The following OTOGL variants were observed in gnomAD, a reference collection of about 807,000 sequenced individuals.
The protein encoded by OTOGL is otogelin like, also known as otogelin-like protein.
Under a neutral mutation model 318.5 loss-of-function variants are expected in OTOGL, and 285 were observed. The ratio of observed to expected loss-of-function variants is 0.89; its 90% CI spans 0.81 to 0.99. OTOGL has a LOEUF of 0.99. Ranked by LOEUF, OTOGL falls within the 50% of genes least tolerant of loss-of-function variation. The pLI is 0.00. For synonymous variants in OTOGL, 987 were observed against 936.5 expected (o/e 1.05, Z -0.99); for missense variants, 2,899 against 2,845.6 (o/e 1.02, Z -0.43).
chr12:80,220,365 GCC>G (rs1345118808), intron 6 of OTOGL, among the ~76,000 whole-genome samples: 230 of 152,062 alleles, frequency 1.5e-3, no homozygotes, highest in African/African-American at 4.8e-3. Flanking sequence ...CACCATGTTG[GCC>G]AGGATGCTCT....
intron 1 of OTOGL, among the ~76,000 whole-genome samples, chr12:80,181,846 AG>A (rs1475465928): frequency 6.6e-6 from 1 of 152,152 alleles, no homozygotes; most frequent in Non-Finnish European, 1.5e-5. Flanking sequence ...CTATAGAATT[AG>A]GGCCAATGCC....
intron 34 of OTOGL, among the ~76,000 whole-genome samples, chr12:80,321,201 C>T (rs1247566297): frequency 1.3e-5 from 2 of 152,322 alleles, no homozygotes; most frequent in Non-Finnish European, 2.9e-5. Flanking sequence ...CCTAATCTTA[C>T]TTCTAGAGAG....
intron 1 of OTOGL, among the ~76,000 whole-genome samples, chr12:80,141,832 A>G (rs1871965680): frequency 6.6e-6 from 1 of 152,188 alleles, no homozygotes; most frequent in Non-Finnish European, 1.5e-5. Context: ...CTATATAGGT[A>G]TGTAGTAGAA....
intron 1 of OTOGL, chr12:80,208,102 A>G (rs1398822363): frequency 4.4e-6 from 2 of 458,476 alleles, no homozygotes; most frequent in Non-Finnish European, 8.8e-6. Context: ...TCACATAACT[A>G]CTTTATAATT....
At chr12:80,315,728 G>C (rs1275342630) in intron 32 of OTOGL, among the ~76,000 whole-genome samples, 1 of 151,968 alleles carries the variant, frequency 6.6e-6, no homozygotes, top group Non-Finnish European at 1.5e-5. Flanking sequence ...AAAGAAAATG[G>C]GCATTTTTGA....
Position 80,222,154 on chromosome 12 carries a change from C to T in OTOGL, c.398C>T (p.Thr133Ile), listed in dbSNP as rs947802079. 5.6e-6 allele frequency: 9 copies of T among 1,597,700 alleles called. No homozygotes were observed. In the Admixed American group the frequency reaches 1.3e-4, roughly 24 times the overall value. Residue 133 changes from threonine (T) to isoleucine (I), a missense_variant, in exon 7 of 59, where the codon ACA (threonine) becomes ATA (isoleucine). Around this residue, in one of 3 missense-constraint regions of OTOGL, gnomAD observed 2,607 missense variants for 2,524.9 expected, o/e 1.03. Transcript: ENST00000547103. ...CKTWGQYHFE[T>I]FDGIYYYFPG... is the part of the protein sequence containing the mutation. ...ACCTGGGGACAGTATCATTTTGAAA[C>T]ATTCGATGGCATCTACTATTACTTC...
intron 55 of OTOGL, 74 bp downstream of exon 55, chr12:80,368,383 T>C (rs1160586674): frequency 4.2e-5 from 30 of 709,584 alleles, no homozygotes; most frequent in East Asian, 3.3e-4. Context: ...TTGGAAAATG[T>C]CCCCCCCCAC....
chr12:80,374,091 T>C (rs1891043537), intron 57 of OTOGL, among the ~76,000 whole-genome samples: 2 of 152,118 alleles, frequency 1.3e-5, no homozygotes, highest in South Asian at 2.1e-4. Context: ...CAAAAAGTGG[T>C]TGGAAATAGA....
At chr12:80,327,403 C>A (rs1244834145) in intron 35 of OTOGL, among the ~76,000 whole-genome samples, 1 of 152,088 alleles carries the variant, frequency 6.6e-6, no homozygotes, top group African/African-American at 2.4e-5. Context: ...CCATGTCCTT[C>A]CAGGGCACTG....
At chr12:80,161,040 A>G (rs562870375) in intron 1 of OTOGL, among the ~76,000 whole-genome samples, 2 of 152,228 alleles carry the variant, frequency 1.3e-5, no homozygotes, top group Non-Finnish European at 2.9e-5. Flanking sequence ...ATGAAGATTC[A>G]AAGGCATAAG....
Position 80,232,914 on chromosome 12 carries a change from G to A in OTOGL, c.634G>A (p.Gly212Arg), listed in dbSNP as rs1359312722. Residue 212 changes from glycine to arginine, a missense_variant, in exon 9 of 59, where the codon GGA (glycine) becomes AGA (arginine). This residue lies in a region of OTOGL where 2,607 missense variants were observed against 2,524.9 expected (regional missense o/e 1.03). Coordinates refer to ENST00000547103, the MANE Select transcript of OTOGL (RefSeq NM_001378609.3). ...AAGTTTAACATTGCCTCAGACAATTGGACAGATTTTCATTGAGAAACTAGC... is the reference window on the plus strand; with the variant it reads ...AAGTTTAACATTGCCTCAGACAATTAGACAGATTTTCATTGAGAAACTAGC... ...GISLTLPQTI[G>R]QIFIEKLADY... 1.9e-6 allele frequency: 3 copies of A among 1,598,420 alleles called. No homozygotes were observed. Among genetic ancestry groups the A allele is most frequent in the East Asian group, 4.5e-5 (2 of 44,870 alleles).
chr12:80,148,753 G>C (rs1247396572), intron 1 of OTOGL, among the ~76,000 whole-genome samples: 11 of 152,174 alleles, frequency 7.2e-5, no homozygotes, highest in Non-Finnish European at 1.3e-4. Flanking sequence ...TTGCTCATTT[G>C]TTTTTATTCT....
At chr12:80,235,955 C>G (rs781549700) in intron 9 of OTOGL, among the ~76,000 whole-genome samples, 1 of 152,266 alleles carries the variant, frequency 6.6e-6, no homozygotes, top group Non-Finnish European at 1.5e-5. Context: ...AGCAGTATTA[C>G]CTTTAGCTTT....
At chr12:80,169,224 C>T (rs1285423166) in intron 1 of OTOGL, among the ~76,000 whole-genome samples, 3 of 152,120 alleles carry the variant, frequency 2.0e-5, no homozygotes, top group Non-Finnish European at 4.4e-5. Context: ...TTCCTAGAAC[C>T]TTATCTTCTT....
chr12:80,124,178 A>G (rs1436785323), intron 1 of OTOGL, among the ~76,000 whole-genome samples: 2 of 152,144 alleles, frequency 1.3e-5, no homozygotes, highest in Non-Finnish European at 2.9e-5. Context: ...TATGTCTAAC[A>G]TTTAAGTCTT....
intron 1 of OTOGL, among the ~76,000 whole-genome samples, chr12:80,148,672 T>C (rs1005447115): frequency 1.1e-4 from 16 of 152,354 alleles, no homozygotes; most frequent in East Asian, 5.8e-4. Flanking sequence ...TCCATTCTCC[T>C]CGTCACTTTC....
intron 1 of OTOGL, among the ~76,000 whole-genome samples, chr12:80,151,493 C>T (rs1001560667): frequency 2.0e-5 from 3 of 151,986 alleles, no homozygotes; most frequent in African/African-American, 7.3e-5. Flanking sequence ...AATGTAAGCT[C>T]TCTCTAAAAA....
intron 1 of OTOGL, among the ~76,000 whole-genome samples, chr12:80,121,655 T>C (rs1467421572): frequency 6.6e-6 from 1 of 152,128 alleles, no homozygotes; most frequent in Non-Finnish European, 1.5e-5. Flanking sequence ...AATAGAAAAA[T>C]TGACACTAAA....
intron 1 of OTOGL, among the ~76,000 whole-genome samples, chr12:80,188,371 C>G (rs1875444821): frequency 6.6e-6 from 1 of 151,904 alleles, no homozygotes; most frequent in Non-Finnish European, 1.5e-5. Flanking sequence ...AACCCCATCT[C>G]TACTAAAAAT....
Sources: allele counts gnomAD v4.1 joint callset (sites outside exome capture counted in the v4.1 genomes callset), GRCh38; gene constraint gnomAD v4.1.1; regional missense constraint gnomAD v4.1.1; transcripts MANE v1.5; gene names NCBI Gene and HGNC (gene_info 2026-07-23, HGNC 2026-07-21).